Variants in P3H2 observed in about 807,000 individuals in gnomAD.
P3H2 encodes the protein leprecan-like 1.
In P3H2, 80 loss-of-function variants were observed where a neutral mutation model predicts 87.0. The observed-to-expected ratio is 0.92, with a 90% CI of 0.77 to 1.11. The LOEUF (loss-of-function observed/expected upper bound fraction) is 1.11, where lower values mean the gene tolerates loss of function less well. Among genes scored for constraint, P3H2 ranks in the 50% least tolerant of loss-of-function variants. The pLI is 0.00. For synonymous variants in P3H2, 367 were observed against 359.3 expected (o/e 1.02, Z -0.24); for missense variants, 1,001 against 923.9 (o/e 1.08, Z -1.08).
intron 1 of P3H2, among the ~76,000 whole-genome samples, chr3:190,078,962 T>C (rs1045648576): frequency 5.9e-5 from 9 of 152,156 alleles, no homozygotes; most frequent in African/African-American, 2.2e-4. Flanking sequence ...GTTGACAGCA[T>C]AGACTCTGGA....
intron 1 of P3H2, among the ~76,000 whole-genome samples, chr3:190,051,728 T>C (rs1036953498): frequency 2.0e-5 from 3 of 152,204 alleles, no homozygotes; most frequent in Non-Finnish European, 2.9e-5. Context: ...CTCCAAGATC[T>C]AATCTGCCAG....
At chr3:189,974,418 A>G in intron 9 of P3H2, 140 bp downstream of exon 9, 1 of 1,223,166 alleles carries the variant, frequency 8.2e-7, no homozygotes, top group South Asian at 1.3e-5. Context: ...AAAGTTCCTC[A>G]AAAATAATTT....
chr3:190,001,303 G>A (rs1043614173), intron 1 of P3H2, among the ~76,000 whole-genome samples: 1 of 152,130 alleles, frequency 6.6e-6, no homozygotes, highest in African/African-American at 2.4e-5. Context: ...ATACCACTAT[G>A]TACTTCTCAA....
chr3:190,005,182 GA>G (rs912785780), intron 1 of P3H2, among the ~76,000 whole-genome samples: 2 of 152,060 alleles, frequency 1.3e-5, no homozygotes, highest in Non-Finnish European at 2.9e-5. Flanking sequence ...TTGAGAATAT[GA>G]AAAAAAATTT....
At chr3:190,058,503 T>C (rs543927744) in intron 1 of P3H2, among the ~76,000 whole-genome samples, 4 of 152,186 alleles carry the variant, frequency 2.6e-5, no homozygotes, top group Admixed American at 2.6e-4. Flanking sequence ...GAGTAAATGG[T>C]CCCAGGAATG....
chr3:190,073,905 T>A (rs1167622496), intron 1 of P3H2, among the ~76,000 whole-genome samples: 2 of 152,192 alleles, frequency 1.3e-5, no homozygotes, highest in Non-Finnish European at 2.9e-5. Context: ...TTTAAAGTGA[T>A]AAACAAAACT....
chr3:190,103,447 A>T (rs181927289), intron 1 of P3H2, among the ~76,000 whole-genome samples: 23 of 152,310 alleles, frequency 1.5e-4, no homozygotes, highest in Middle Eastern at 6.8e-3. Flanking sequence ...CCTATTCCAA[A>T]CTCTGTGTAA....
intron 1 of P3H2, among the ~76,000 whole-genome samples, chr3:190,011,336 C>A (rs1179672757): frequency 6.7e-6 from 1 of 149,996 alleles, no homozygotes; most frequent in African/African-American, 2.4e-5. Flanking sequence ...TTTATACTTT[C>A]TCAGAATAAG....
chr3:190,029,415 A>G (rs1439709072), intron 1 of P3H2, among the ~76,000 whole-genome samples: 1 of 152,162 alleles, frequency 6.6e-6, no homozygotes, highest in African/African-American at 2.4e-5. Flanking sequence ...AGAACTGTTT[A>G]TTCATTCACA....
chr3:189,986,013 T>C (rs925179095), intron 6 of P3H2, among the ~76,000 whole-genome samples: 3 of 152,204 alleles, frequency 2.0e-5, no homozygotes, highest in Non-Finnish European at 2.9e-5. Flanking sequence ...TGTCTTCATA[T>C]AAACAATGAT....
intron 1 of P3H2, among the ~76,000 whole-genome samples, chr3:190,034,237 A>ATTTTG (rs1725345078): frequency 4.6e-5 from 7 of 151,552 alleles, no homozygotes; most frequent in Non-Finnish European, 7.4e-5. Flanking sequence ...GTTCCTCATA[A>ATTTTG]ACTCTGTCAA....
rs543973325 is a variant in P3H2 at position 190,022,150 on chromosome 3, T to C, written c.481-26708A>G. ...AATAACTGAGAAACAAATTTTACCA[T>C]TGATTTATTTTTCTTATAGTAAACA... is the stretch of plus-strand genomic sequence containing the variant. On this transcript the variant is annotated intron_variant, in intron 1 of 14. Transcript: ENST00000319332. Among the ~76,000 whole-genome samples the C allele has an allele frequency of 1.5e-5, 2 of 135,606 alleles. 1 individual carries two copies. Among genetic ancestry groups the C allele is most frequent in the African/African-American group, 5.1e-5 (2 of 39,320 alleles). 89.0% of individuals were successfully genotyped at this position (135,606 alleles called of 152,430 possible). A position where few individuals can be genotyped will look rare whatever the true frequency, so the allele number is the denominator to read the frequency against.
At chr3:189,964,743 G>C (rs545513990) in intron 13 of P3H2, among the ~76,000 whole-genome samples, 1 of 152,210 alleles carries the variant, frequency 6.6e-6, no homozygotes, top group Non-Finnish European at 1.5e-5. Flanking sequence ...CCTTGGAGTG[G>C]CCTATTCGCC....
At chr3:190,055,042 T>G (rs1229159807) in intron 1 of P3H2, among the ~76,000 whole-genome samples, 3 of 152,214 alleles carry the variant, frequency 2.0e-5, no homozygotes, top group African/African-American at 7.2e-5. Context: ...TAAAGTGGGA[T>G]GCACATCTTT....
chr3:190,087,776 A>G (rs2108983603), intron 1 of P3H2, among the ~76,000 whole-genome samples: 1 of 152,278 alleles, frequency 6.6e-6, no homozygotes, highest in African/African-American at 2.4e-5. Flanking sequence ...GGAGTGGGAA[A>G]AAGTAAGCAA....
chr3:190,069,765 T>TTCTTG (rs1726632918), intron 1 of P3H2, among the ~76,000 whole-genome samples: 1 of 152,102 alleles, frequency 6.6e-6, no homozygotes, highest in African/African-American at 2.4e-5. Context: ...AGTGAAATAG[T>TTCTTG]GCTAACAGGC....
intron 1 of P3H2, among the ~76,000 whole-genome samples, chr3:190,119,854 AAGAAATGGGAAGTGAGAAGGGAGAAG>A (rs1177340122): frequency 2.1e-4 from 31 of 151,124 alleles, no homozygotes; most frequent in Non-Finnish European, 3.0e-4. Context: ...GAGGAGACAA[AAGAAATGGGAAGTGAGAAGGGAGAAG>A]AGAAATGGGA....
At chr3:190,030,047 T>C (rs1171996348) in intron 1 of P3H2, among the ~76,000 whole-genome samples, 1 of 151,844 alleles carries the variant, frequency 6.6e-6, no homozygotes, top group Non-Finnish European at 1.5e-5. Context: ...TGTGCTGAAC[T>C]ATCAGGCTAA....
chr3:190,096,476 C>A (rs1488453215), intron 1 of P3H2, among the ~76,000 whole-genome samples: 2 of 151,836 alleles, frequency 1.3e-5, no homozygotes, highest in African/African-American at 4.8e-5. Context: ...CCTGAGGCCT[C>A]CTCACGCTTC....
Sources: allele counts gnomAD v4.1 joint callset (sites outside exome capture counted in the v4.1 genomes callset), GRCh38; gene constraint gnomAD v4.1.1; transcripts MANE v1.5; gene names NCBI Gene and HGNC (gene_info 2026-07-23, HGNC 2026-07-21).